The following RIN3 variants were observed in gnomAD, a reference collection of about 807,000 sequenced individuals.
RIN3 encodes the protein Ras and Rab interactor 3.
In RIN3, 54 loss-of-function variants were observed where a neutral mutation model predicts 76.3. That is an observed-to-expected ratio of 0.71 (90% CI 0.57 to 0.89). The LOEUF is 0.89. Ranked by LOEUF, RIN3 falls within the 40% of genes least tolerant of loss-of-function variation. RIN3 has a pLI of 0.00. For missense variants in RIN3, 1,256 were observed against 1,322.1 expected (o/e 0.95, Z 0.78); for synonymous variants, 576 against 564.0 (o/e 1.02, Z -0.30).
intron 1 of RIN3, among the ~76,000 whole-genome samples, chr14:92,535,669 C>CTTTTT (rs59009829): frequency 2.1e-5 from 2 of 94,092 alleles, no homozygotes; most frequent in Non-Finnish European, 3.9e-5. Flanking sequence ...CTGGAACAGA[C>CTTTTT]TTTTTTTTTT....
intron 2 of RIN3, among the ~76,000 whole-genome samples, chr14:92,561,851 T>G (rs1414825896): frequency 6.6e-6 from 1 of 152,110 alleles, no homozygotes; most frequent in Non-Finnish European, 1.5e-5. Flanking sequence ...CCCAGCTAAT[T>G]AATTTTTTAC....
intron 6 of RIN3, among the ~76,000 whole-genome samples, 158 bp from the exon 7 acceptor site, chr14:92,659,003 C>G (rs1215913560): frequency 6.6e-6 from 1 of 152,166 alleles, no homozygotes; most frequent in Non-Finnish European, 1.5e-5. Context: ...ATAAACTGTG[C>G]TCTCTCATGT....
chr14:92,567,582 T>G (rs1459305416), intron 2 of RIN3, among the ~76,000 whole-genome samples: 1 of 151,576 alleles, frequency 6.6e-6, no homozygotes, highest in East Asian at 1.9e-4. Flanking sequence ...TGCATGCCTC[T>G]TGAAGCCCAA....
intron 7 of RIN3, among the ~76,000 whole-genome samples, chr14:92,664,361 TTTC>T (rs149911896): frequency 0.21 from 22,921 of 111,488 alleles, 2,846 homozygotes; most frequent in East Asian, 0.32. Context: ...TCTTTCTTTC[TTTC>T]TTTTTTTTTT....
intron 1 of RIN3, among the ~76,000 whole-genome samples, chr14:92,519,910 A>T (rs987925730): frequency 1.3e-4 from 20 of 152,164 alleles, no homozygotes; most frequent in Admixed American, 1.2e-3. Flanking sequence ...CAGCGTTTAT[A>T]CAAGAGTCTG....
chr14:92,660,961 G>A (rs996589383), intron 7 of RIN3, among the ~76,000 whole-genome samples: 1 of 152,206 alleles, frequency 6.6e-6, no homozygotes, highest in Non-Finnish European at 1.5e-5. Context: ...TGGATGGATA[G>A]CCACCTCTGT....
intron 7 of RIN3, among the ~76,000 whole-genome samples, chr14:92,661,718 C>A (rs1287195023): frequency 7.3e-6 from 1 of 137,664 alleles, no homozygotes; most frequent in Non-Finnish European, 1.5e-5. Flanking sequence ...CAGAGTGAGA[C>A]TCTGTCACAC....
In RIN3 at chr14:92,514,144, G is replaced by A. The variant is rs560986557; in HGVS notation, c.44+168G>A. ...CGAGGCCAGAACCTGGTTCTGCGGGGCAGGGGGCGGCCCTGGTGACTCCGC... is the reference window on the plus strand; with the variant it reads ...CGAGGCCAGAACCTGGTTCTGCGGGACAGGGGGCGGCCCTGGTGACTCCGC... On this transcript the variant is annotated intron_variant, in intron 1 of 9. Transcript: ENST00000216487. This position sits in a 1 kb window ranked among gnomAD's most constrained non-coding sequence, Gnocchi z 7.2. Among the ~76,000 whole-genome samples, 46 of 152,346 alleles carry A rather than the reference G, an allele frequency of 3.0e-4. No homozygotes were observed. The highest frequency in any genetic ancestry group is 2.5e-3 in the South Asian group (12 of 4,830).
In RIN3 at chr14:92,686,205, C is replaced by G. The variant is rs1888853468; in HGVS notation, c.2631+1055C>G. On this transcript the variant is annotated intron_variant, in intron 9 of 9. Transcript: ENST00000216487. ...CATCTATAATAAGCAGAGCCCAGGC[C>G]TGGGAGACAGGAGGCTTGAGTTCTG... The G allele has an allele frequency of 1.3e-5, 2 of 152,280 alleles. 1 individual carries two copies. The highest frequency in any genetic ancestry group is 3.9e-4 in the East Asian group (2 of 5,194). 9.4% of individuals were successfully genotyped at this position (152,280 alleles called of 1,614,324 possible).
intron 1 of RIN3, among the ~76,000 whole-genome samples, chr14:92,524,561 G>T (rs1466488828): frequency 2.0e-5 from 3 of 152,242 alleles, no homozygotes; most frequent in Non-Finnish European, 4.4e-5. Flanking sequence ...CCCCAAGAAT[G>T]GCCTGGGATT....
At chr14:92,662,441 C>T (rs1046090565) in intron 7 of RIN3, among the ~76,000 whole-genome samples, 5 of 152,340 alleles carry the variant, frequency 3.3e-5, no homozygotes, top group African/African-American at 9.6e-5. Context: ...TGCCGCTTCT[C>T]GGCTTGTGGC....
chr14:92,676,640 G>T, intron 8 of RIN3, 34 bp downstream of exon 8: 1 of 1,605,456 alleles, frequency 6.2e-7, no homozygotes. Context: ...CAGGTGCATT[G>T]CACACCCCCA....
rs1166736954 is a variant in RIN3 at position 92,513,892 on chromosome 14, GC to G, written c.-39del. The G allele has an allele frequency of 5.6e-6, 7 of 1,249,464 alleles. No individual in the cohort carries two copies. Among genetic ancestry groups the G allele is most frequent in the Non-Finnish European group, 6.0e-6 (6 of 996,180 alleles). The allele number at this position is 1,249,464 out of a possible 1,614,324, so 77.4% of individuals were successfully genotyped here. A position where few individuals can be genotyped will look rare whatever the true frequency, so the allele number is the denominator to read the frequency against. ...GACTCCGCGTTCCGCGCGGCCCGGC[GC>G]CTGAGCGCCTCCGTTCCCCGTCCCG... is the stretch of plus-strand genomic sequence containing the variant. On this transcript the variant is annotated 5_prime_UTR_variant, in exon 1 of 10. The change abolishes the stop of an existing upstream ORF in the 5' untranslated region. Coordinates refer to ENST00000216487, the MANE Select transcript of RIN3 (RefSeq NM_024832.5).
chr14:92,618,112 C>CA (rs1473173568), intron 4 of RIN3, among the ~76,000 whole-genome samples: 1 of 152,136 alleles, frequency 6.6e-6, no homozygotes, highest in Non-Finnish European at 1.5e-5. Context: ...TTTTAACCTG[C>CA]ATTGGGCCTT....
chr14:92,564,445 A>T (rs1897862323), intron 2 of RIN3, among the ~76,000 whole-genome samples: 1 of 151,804 alleles, frequency 6.6e-6, no homozygotes, highest in East Asian at 1.9e-4. Context: ...ACTGGGAAAG[A>T]CCCCCAGGGC....
At chr14:92,586,293 A>C (rs911475939) in intron 3 of RIN3, among the ~76,000 whole-genome samples, 1 of 152,240 alleles carries the variant, frequency 6.6e-6, no homozygotes, top group Non-Finnish European at 1.5e-5. Flanking sequence ...TTTGAGCAGC[A>C]TGCAGTTCAT....
At chr14:92,662,276 A>ACACGGCATG (rs59985723) in intron 7 of RIN3, among the ~76,000 whole-genome samples, 69,761 of 151,646 alleles carry the variant, frequency 0.46, 17,960 homozygotes, top group African/African-American at 0.7. Flanking sequence ...GAGGTGTCCT[A>ACACGGCATG]CAGGGAAGCA....
intron 1 of RIN3, among the ~76,000 whole-genome samples, chr14:92,550,386 CTTATTT>C (rs978323834): frequency 1.3e-5 from 2 of 152,014 alleles, no homozygotes; most frequent in African/African-American, 4.8e-5. Flanking sequence ...GTTGTTTTTA[CTTATTT>C]TTATTTTTGT....
At chr14:92,662,566 G>A (rs1357760112) in intron 7 of RIN3, among the ~76,000 whole-genome samples, 1 of 152,222 alleles carries the variant, frequency 6.6e-6, no homozygotes, top group Non-Finnish European at 1.5e-5. Context: ...GTTTGCATGT[G>A]GCCCAGCAGT....
Sources: allele counts gnomAD v4.1 joint callset (sites outside exome capture counted in the v4.1 genomes callset), GRCh38; gene constraint gnomAD v4.1.1; non-coding constraint Gnocchi (gnomAD v3.1); transcripts MANE v1.5; gene names NCBI Gene and HGNC (gene_info 2026-07-23, HGNC 2026-07-21).